MECOM: variants seen among roughly 807,000 people sequenced by gnomAD.
MECOM encodes MDS1 and EVI1 complex locus.
MECOM carries 13 observed loss-of-function variants against 116.3 expected under a neutral mutation model. That is an observed-to-expected ratio of 0.11 (90% CI 0.07 to 0.18). The LOEUF (loss-of-function observed/expected upper bound fraction) is 0.18. Ranked by LOEUF, MECOM falls within the 10% of genes least tolerant of loss-of-function variation. The pLI is 1.00. For synonymous variants in MECOM, 528 were observed against 535.2 expected, an observed-to-expected ratio of 0.99 and a Z score of 0.19; for missense variants, 1,299 against 1,509.0, an observed-to-expected ratio of 0.86 and a Z score of 2.31.
rs16853713 is a variant in MECOM at position 169,430,346 on chromosome 3, T to C, written c.38-48822A>G. Among the ~76,000 whole-genome samples the C allele has an allele frequency of 5.8e-3, 883 of 152,282 alleles. 8 individuals carry two copies. Among genetic ancestry groups the C allele is most frequent in the African/African-American group, 0.02 (851 of 41,566 alleles). On this transcript the variant is annotated intron_variant, in intron 1 of 16. Transcript: ENST00000651503. ...AACATAATTAAAACACAACTCTAGA[T>C]GATTTGAATTATACTGGACTGGATG...
At chr3:169,614,326 C>T (rs1462873407) in intron 1 of MECOM, among the ~76,000 whole-genome samples, 1 of 151,848 alleles carries the variant, frequency 6.6e-6, no homozygotes, top group African/African-American at 2.4e-5. Context: ...TTTTCCTTTT[C>T]CTCTAGTGAA....
At chr3:169,531,721 G>C (rs1277456728) in intron 1 of MECOM, among the ~76,000 whole-genome samples, 2 of 152,138 alleles carry the variant, frequency 1.3e-5, no homozygotes, top group Non-Finnish European at 2.9e-5. Flanking sequence ...CACACAAATG[G>C]TTACAAGTCT....
intron 1 of MECOM, among the ~76,000 whole-genome samples, chr3:169,582,511 T>A (rs1765235755): frequency 6.6e-6 from 1 of 152,118 alleles, no homozygotes; most frequent in Non-Finnish European, 1.5e-5. Flanking sequence ...AAGAAGAAGC[T>A]ACCATGTTGA....
chr3:169,215,902 C>T (rs558863031), intron 2 of MECOM, among the ~76,000 whole-genome samples: 229 of 152,316 alleles, frequency 1.5e-3, no homozygotes, highest in African/African-American at 5.3e-3. Context: ...TAGCAGTTTT[C>T]GCTCTTCCAG....
chr3:169,283,131 T>C (rs1284080219), intron 2 of MECOM, among the ~76,000 whole-genome samples: 3 of 152,168 alleles, frequency 2.0e-5, no homozygotes, highest in Non-Finnish European at 2.9e-5. Flanking sequence ...ACTTAGAATA[T>C]AATAGATGTT....
intron 2 of MECOM, among the ~76,000 whole-genome samples, chr3:169,202,941 G>A (rs1362625956): frequency 2.0e-5 from 3 of 151,570 alleles, no homozygotes; most frequent in Non-Finnish European, 2.9e-5. Flanking sequence ...TAATATACAA[G>A]GGACTGCAAA....
chr3:169,335,983 G>A (rs1452374905), intron 2 of MECOM, among the ~76,000 whole-genome samples: 1 of 152,080 alleles, frequency 6.6e-6, no homozygotes, highest in African/African-American at 2.4e-5. Context: ...GGCAATGGCA[G>A]ACTTTATGCA....
intron 1 of MECOM, among the ~76,000 whole-genome samples, chr3:169,489,228 G>A (rs76336785): frequency 0.012 from 1,864 of 152,248 alleles, 44 homozygotes; most frequent in African/African-American, 0.043. Context: ...TGAATATGTA[G>A]CTGATCTCCA....
chr3:169,433,932 G>A (rs959112910), intron 1 of MECOM, among the ~76,000 whole-genome samples: 1 of 152,094 alleles, frequency 6.6e-6, no homozygotes, highest in Admixed American at 6.5e-5. Context: ...TAACGTTGGA[G>A]AGCTGTTATC....
intron 1 of MECOM, among the ~76,000 whole-genome samples, chr3:169,513,924 G>A (rs558641551): frequency 3.9e-5 from 6 of 152,148 alleles, no homozygotes; most frequent in Admixed American, 3.9e-4. Flanking sequence ...TACTTTCTCT[G>A]CATTTGTAAT....
intron 1 of MECOM, among the ~76,000 whole-genome samples, chr3:169,452,383 CTG>C (rs1745764842): frequency 6.6e-6 from 1 of 152,132 alleles, no homozygotes; most frequent in African/African-American, 2.4e-5. Context: ...CATTGGTAAA[CTG>C]AAATGCACTA....
chr3:169,557,559 T>C (rs1762183823), intron 1 of MECOM, among the ~76,000 whole-genome samples: 1 of 152,232 alleles, frequency 6.6e-6, no homozygotes, highest in Non-Finnish European at 1.5e-5. Flanking sequence ...TGGAGGCAGA[T>C]GATATTTCAT....
chr3:169,656,363 A>T (rs1314648825), intron 1 of MECOM, among the ~76,000 whole-genome samples: 2 of 152,306 alleles, frequency 1.3e-5, no homozygotes, highest in East Asian at 3.9e-4. Context: ...GTCAGTAGTC[A>T]AGAATTTGGC....
At chr3:169,230,778 G>A (rs911060454) in intron 2 of MECOM, among the ~76,000 whole-genome samples, 1 of 152,058 alleles carries the variant, frequency 6.6e-6, no homozygotes, top group Non-Finnish European at 1.5e-5. Context: ...TGGTCATTTT[G>A]AAGGTCAATC....
At chr3:169,386,330 C>G (rs1196281302) in intron 1 of MECOM, among the ~76,000 whole-genome samples, 1 of 152,076 alleles carries the variant, frequency 6.6e-6, no homozygotes, top group Non-Finnish European at 1.5e-5. Flanking sequence ...AATAATCTTC[C>G]ATTTTCCAGA....
chr3:169,523,126 G>A (rs1320110037), intron 1 of MECOM, among the ~76,000 whole-genome samples: 4 of 152,068 alleles, frequency 2.6e-5, no homozygotes, highest in Admixed American at 6.5e-5. Context: ...CAAACAAAAT[G>A]TGATGATGAA....
chr3:169,091,464 A>G (rs1719693648), intron 14 of MECOM, among the ~76,000 whole-genome samples: 1 of 152,128 alleles, frequency 6.6e-6, no homozygotes, highest in Non-Finnish European at 1.5e-5. Context: ...AGAAAATTTG[A>G]ATAGGCATCT....
intron 7 of MECOM, 45 bp from the exon 8 acceptor site, chr3:169,116,784 G>A: frequency 6.6e-7 from 1 of 1,525,172 alleles, no homozygotes; most frequent in East Asian, 2.3e-5. Context: ...TATGTCAATT[G>A]CTTCTGAATT....
intron 8 of MECOM, among the ~76,000 whole-genome samples, chr3:169,114,499 C>A (rs749840478): frequency 6.6e-6 from 1 of 151,874 alleles, no homozygotes; most frequent in Non-Finnish European, 1.5e-5. Flanking sequence ...TTTCTCTTCA[C>A]GAAAGAGAAT....
Sources: allele counts gnomAD v4.1 joint callset (sites outside exome capture counted in the v4.1 genomes callset), GRCh38; gene constraint gnomAD v4.1.1; transcripts MANE v1.5; gene names NCBI Gene and HGNC (gene_info 2026-07-23, HGNC 2026-07-21).